Variants in GPHN observed in about 807,000 individuals in gnomAD.
The protein encoded by GPHN is gephyrin.
Under a neutral mutation model 95.5 loss-of-function variants are expected in GPHN, and 17 were observed. The observed-to-expected ratio is 0.18, with a 90% CI of 0.12 to 0.27. GPHN has a LOEUF of 0.27. GPHN is among the 10% of genes least tolerant of loss of function. The pLI is 1.00. For missense variants in GPHN, 660 were observed against 978.1 expected (o/e 0.67, Z 4.34); for synonymous variants, 320 against 322.5 (o/e 0.99, Z 0.08).
At chr14:66,719,599 A>G (rs1004714860) in intron 2 of GPHN, among the ~76,000 whole-genome samples, 1 of 151,220 alleles carries the variant, frequency 6.6e-6, no homozygotes, top group African/African-American at 2.4e-5. Flanking sequence ...CACCGTGTGA[A>G]CCTCCACACG....
the GPHN span, among the ~76,000 whole-genome samples, chr14:67,415,015 A>C: frequency 6.6e-6 from 1 of 152,222 alleles, no homozygotes; most frequent in Non-Finnish European, 1.5e-5. Flanking sequence ...AGCGACCTGC[A>C]TCAGAGCATC....
At chr14:67,323,918 C>T in the GPHN span, 1 of 630,210 alleles carries the variant, frequency 1.6e-6, no homozygotes, top group South Asian at 2.1e-5. Context: ...AGCTTTCAAA[C>T]TGATTATTTT....
At chr14:67,404,406 C>T in the GPHN span, among the ~76,000 whole-genome samples, 8 of 150,848 alleles carry the variant, frequency 5.3e-5, no homozygotes, top group African/African-American at 1.7e-4. Context: ...GAGGATTGCC[C>T]ACGCCTAAAA....
rs180755221 is a variant in GPHN, at chr14:66,589,505, C to T, written c.64+80914C>T. ...TTAGGAGACTGATCTCAATCCTAGTCTCTGAAAAAACAGACTTTAAACCAA... is the reference window on the plus strand; with the variant it reads ...TTAGGAGACTGATCTCAATCCTAGTTTCTGAAAAAACAGACTTTAAACCAA... On this transcript the variant is annotated intron_variant, in intron 1 of 22. Transcript: ENST00000478722. Among the ~76,000 whole-genome samples, 822 of 151,716 alleles carry T rather than the reference C, an allele frequency of 5.4e-3. 7 individuals are homozygous for T. Among genetic ancestry groups the T allele is most frequent in the Admixed American group, 9.4e-3 (144 of 15,240 alleles).
intron 1 of GPHN, among the ~76,000 whole-genome samples, chr14:66,554,933 A>G (rs1320914075): frequency 1.3e-5 from 2 of 152,212 alleles, no homozygotes; most frequent in African/African-American, 4.8e-5. Flanking sequence ...CAAATGCTTG[A>G]AGTAGAAGCC....
At chr14:67,695,546 C>A in the GPHN span, 1 of 1,413,846 alleles carries the variant, frequency 7.1e-7, no homozygotes, top group Non-Finnish European at 9.7e-7. Context: ...GGGAGTTTTC[C>A]AAGAAAGCTT....
chr14:67,543,979 T>C, the GPHN span, among the ~76,000 whole-genome samples: 118 of 152,120 alleles, frequency 7.8e-4, 5 homozygotes, highest in African/African-American at 4.1e-4. Context: ...CCTAGAGTAA[T>C]GTAAGGTTTG....
chr14:66,693,153 A>G (rs964063724), intron 2 of GPHN, among the ~76,000 whole-genome samples: 1 of 152,098 alleles, frequency 6.6e-6, no homozygotes, highest in East Asian at 1.9e-4. Context: ...ATAAATCTCT[A>G]TAATCTCTGG....
the GPHN span, chr14:67,651,416 A>G: frequency 6.2e-7 from 1 of 1,614,014 alleles, no homozygotes; most frequent in Non-Finnish European, 8.5e-7. Flanking sequence ...GTAGTAAACC[A>G]GGCCTCCCAG....
At chr14:66,515,388 T>C (rs1214130369) in intron 1 of GPHN, among the ~76,000 whole-genome samples, 3 of 152,076 alleles carry the variant, frequency 2.0e-5, no homozygotes, top group Non-Finnish European at 4.4e-5. Flanking sequence ...TGGAGTGAAG[T>C]TGATTAGTTT....
chr14:67,632,738 ATAT>A, the GPHN span, among the ~76,000 whole-genome samples: 1 of 151,560 alleles, frequency 6.6e-6, no homozygotes, highest in African/African-American at 2.4e-5. Flanking sequence ...AAGCACACAA[ATAT>A]TATGAAATAG....
At chr14:67,365,636 C>G in the GPHN span, among the ~76,000 whole-genome samples, 2 of 152,082 alleles carry the variant, frequency 1.3e-5, no homozygotes, top group African/African-American at 4.8e-5. Context: ...TGTGAATACT[C>G]TTTTTTTAAA....
At chr14:67,278,486 A>T in the GPHN span, among the ~76,000 whole-genome samples, 1 of 152,150 alleles carries the variant, frequency 6.6e-6, no homozygotes, top group Non-Finnish European at 1.5e-5. Context: ...AAAAACTCTT[A>T]AAGATGAATT....
the GPHN span, chr14:67,662,568 T>C: frequency 1.5e-4 from 239 of 1,572,642 alleles, no homozygotes; most frequent in East Asian, 5.0e-3. Flanking sequence ...AAATGCTTAT[T>C]ACTGTTTCCA....
At chr14:67,387,271 G>A in the GPHN span, 1 of 1,544,354 alleles carries the variant, frequency 6.5e-7, no homozygotes, top group Non-Finnish European at 8.8e-7. Flanking sequence ...CATTCTCCAG[G>A]AACTCTTGTC....
At chr14:67,359,902 AG>A in the GPHN span, 1 of 597,630 alleles carries the variant, frequency 1.7e-6, no homozygotes, top group Middle Eastern at 4.5e-4. Context: ...GACAGAACAG[AG>A]GCGTTGCCCG....
At chr14:67,476,270 G>A in the GPHN span, among the ~76,000 whole-genome samples, 4 of 152,150 alleles carry the variant, frequency 2.6e-5, no homozygotes, top group Non-Finnish European at 4.4e-5. Flanking sequence ...CACTTCGTTC[G>A]CATTTTGTCA....
the GPHN span, among the ~76,000 whole-genome samples, chr14:67,708,564 T>C: frequency 6.6e-6 from 1 of 152,184 alleles, no homozygotes; most frequent in African/African-American, 2.4e-5. Context: ...CTGTGGCATA[T>C]GATAATTTAA....
the GPHN span, chr14:67,571,653 G>A: frequency 7.9e-7 from 1 of 1,271,536 alleles, no homozygotes; most frequent in East Asian, 2.3e-5. Flanking sequence ...CTGGGGGTTG[G>A]CCACACCATG....
Sources: allele counts gnomAD v4.1 joint callset (sites outside exome capture counted in the v4.1 genomes callset), GRCh38; gene constraint gnomAD v4.1.1; transcripts MANE v1.5; gene names NCBI Gene and HGNC (gene_info 2026-07-23, HGNC 2026-07-21).